ATG14: variants seen among roughly 807,000 people sequenced by gnomAD.
The protein encoded by ATG14 is beclin 1-associated autophagy-related key regulator.
Under a neutral mutation model 60.4 loss-of-function variants are expected in ATG14, and 35 were observed. The observed-to-expected ratio is 0.58, with a 90% CI of 0.44 to 0.77. ATG14 has a LOEUF of 0.77. Among genes scored for constraint, ATG14 ranks in the 30% least tolerant of loss-of-function variants. The pLI, the probability that ATG14 is intolerant of heterozygous loss-of-function variation, is 0.00. For synonymous variants in ATG14, 234 were observed against 228.8 expected, an observed-to-expected ratio of 1.02 and a Z score of -0.21; for missense variants, 647 against 626.3, an observed-to-expected ratio of 1.03 and a Z score of -0.35.
chr14:55,403,092 C>T (rs1885436755), intron 1 of ATG14, among the ~76,000 whole-genome samples: 1 of 149,732 alleles, frequency 6.7e-6, no homozygotes, highest in Admixed American at 6.7e-5. Flanking sequence ...ATACTTTGGC[C>T]TGGATGGCAG....
At position 55,382,079 on chromosome 14, in the gene ATG14, C is replaced by A. The variant is rs747592425; in HGVS notation, c.760G>T (p.Asp254Tyr). 12 of 1,614,102 alleles carry A rather than the reference C, an allele frequency of 7.4e-6. No homozygotes were observed. Among genetic ancestry groups the A allele is most frequent in the Non-Finnish European group, 1.0e-5 (12 of 1,180,020 alleles). The change falls in exon 6 of 10, where the codon GAT becomes TAT. Residue 254 changes from aspartate (D) to tyrosine (Y), a missense_variant. By Grantham distance (160) the Asp-to-Tyr change is radical. Transcript: ENST00000247178. ...CTAATGCTGGTGTCTCCGTTGTGATCGTCACAGACCCATCGTCCTGAGAGG... is the reference window on the plus strand; with the variant it reads ...CTAATGCTGGTGTCTCCGTTGTGATAGTCACAGACCCATCGTCCTGAGAGG... ...TYLSGRWVCD[D>Y]HNGDTSISIT...
intron 3 of ATG14, among the ~76,000 whole-genome samples, chr14:55,391,472 A>T (rs910019119): frequency 7.7e-5 from 8 of 103,478 alleles, no homozygotes; most frequent in South Asian, 2.9e-4. Context: ...GAGACTCCAT[A>T]AAAAAAAAAA....
chr14:55,370,963 T>C (rs986832491), intron 9 of ATG14, among the ~76,000 whole-genome samples: 1 of 151,956 alleles, frequency 6.6e-6, no homozygotes, highest in African/African-American at 2.4e-5. Context: ...CTTTTTCCCC[T>C]CCCTTTCAAA....
chr14:55,391,134 T>C, intron 3 of ATG14, 142 bp from the exon 4 acceptor site: 5 of 586,232 alleles, frequency 8.5e-6, no homozygotes, highest in South Asian at 2.2e-5. Flanking sequence ...TTTGTAACTA[T>C]GGAACATTAC....
intron 9 of ATG14, among the ~76,000 whole-genome samples, chr14:55,375,171 A>G (rs1324172969): frequency 1.3e-5 from 2 of 152,226 alleles, no homozygotes; most frequent in African/African-American, 4.8e-5. Context: ...AATAAAAATA[A>G]GCTTCATAAT....
intron 3 of ATG14, among the ~76,000 whole-genome samples, chr14:55,392,838 C>G (rs4901557): frequency 2.1e-3 from 316 of 152,226 alleles, no homozygotes; most frequent in South Asian, 5.2e-3. Flanking sequence ...GAGCGAAACT[C>G]TAACATCTCG....
intron 4 of ATG14, among the ~76,000 whole-genome samples, chr14:55,388,093 T>C (rs1373116108): frequency 1.3e-5 from 2 of 151,998 alleles, no homozygotes; most frequent in African/African-American, 2.4e-5. Flanking sequence ...GCCGAGATCG[T>C]GCCACTGCAC....
chr14:55,386,718 C>T lies in ATG14; in HGVS notation c.410-622G>A, dbSNP rs565100328. Among the ~76,000 whole-genome samples, 8 of 152,236 alleles carry T rather than the reference C, an allele frequency of 5.3e-5. No homozygotes were observed. In the South Asian group the frequency reaches 1.7e-3, roughly 32 times the overall value. Reference sequence around the variant, plus strand: ...AAACAAAAGCCTGGCCACACAACCACGAGGAGACATACACTCGTCCTGTCA... The same window carrying T: ...AAACAAAAGCCTGGCCACACAACCATGAGGAGACATACACTCGTCCTGTCA... On this transcript the variant is annotated intron_variant, in intron 4 of 9. Coordinates refer to ENST00000247178, the MANE Select transcript of ATG14 (RefSeq NM_014924.5).
chr14:55,366,904 A>C lies in ATG14; in HGVS notation c.*2715T>G, dbSNP rs556837951. ...AAAACAGTGGTTGAAATGTATACTT[A>C]AGAGTATTTACAGGGTGGATCCAGT... On this transcript the variant is annotated 3_prime_UTR_variant, in exon 10 of 10. Coordinates refer to ENST00000247178, the MANE Select transcript of ATG14 (RefSeq NM_014924.5). 6.5e-6 allele frequency: 1 copy of C among 152,784 alleles called. No individual in the cohort carries two copies. The highest frequency in any genetic ancestry group is 2.1e-4 in the South Asian group (1 of 4,832). 9.5% of individuals were successfully genotyped at this position (152,784 alleles called of 1,614,324 possible).
intron 9 of ATG14, among the ~76,000 whole-genome samples, chr14:55,376,329 C>A (rs1028343690): frequency 6.6e-6 from 1 of 152,188 alleles, no homozygotes; most frequent in Non-Finnish European, 1.5e-5. Context: ...GAGCCCTTTA[C>A]AGGTAAGGTA....
At position 55,369,006 on chromosome 14, in the gene ATG14, GA is replaced by G. The variant is rs1240486894; in HGVS notation, c.*612del. ...CTTTCATTTTCTTTGGTGTGTGGGGGAAAGAAAAACAGGAATGTCTGACAAA... is the reference window on the plus strand; with the variant it reads ...CTTTCATTTTCTTTGGTGTGTGGGGGAAGAAAAACAGGAATGTCTGACAAA... On this transcript the variant is annotated 3_prime_UTR_variant, in exon 10 of 10. Transcript: ENST00000247178. 2 of 152,410 alleles carry G rather than the reference GA, an allele frequency of 1.3e-5. No homozygotes were observed. Among genetic ancestry groups the G allele is most frequent in the Non-Finnish European group, 2.9e-5 (2 of 67,998 alleles). 9.4% of individuals were successfully genotyped at this position (152,410 alleles called of 1,614,324 possible).
chr14:55,384,090 C>G (rs1426312950), intron 5 of ATG14, among the ~76,000 whole-genome samples: 1 of 152,186 alleles, frequency 6.6e-6, no homozygotes, highest in Non-Finnish European at 1.5e-5. Context: ...CTGCGTCTCC[C>G]TTCTCCCACA....
intron 5 of ATG14, 63 bp from the exon 6 acceptor site, chr14:55,382,254 A>C (rs3783650): frequency 0.46 from 654,628 of 1,426,042 alleles, 157,643 homozygotes; most frequent in African/African-American, 0.88. Flanking sequence ...ATGCAATATA[A>C]CTGCAAGACA....
Position 55,380,599 on chromosome 14 carries a change from T to C in ATG14, c.969A>G (p.Val323=). The change falls in exon 7 of 10, where the codon GTA becomes GTG. Residue 323 remains valine, a synonymous_variant. Transcript: ENST00000247178. The part of the protein sequence containing the change: ...LVNILSHILD[V]NLPKKLCNSE... ...TGTTGCAGAGCTTTTTGGGAAGATTTACATCAAGTATATGAGACAGAATGT... is the reference window on the plus strand; with the variant it reads ...TGTTGCAGAGCTTTTTGGGAAGATTCACATCAAGTATATGAGACAGAATGT... 1 of 1,612,192 alleles carries C rather than the reference T, an allele frequency of 6.2e-7. No individual in the cohort carries two copies. Among genetic ancestry groups the C allele is most frequent in the East Asian group, 2.2e-5 (1 of 44,796 alleles).
intron 4 of ATG14, among the ~76,000 whole-genome samples, chr14:55,389,401 T>C (rs1885176973): frequency 6.6e-6 from 1 of 152,236 alleles, no homozygotes; most frequent in Non-Finnish European, 1.5e-5. Context: ...AGGTTCTATA[T>C]AGTTCTGGGC....
At chr14:55,394,986 C>A in intron 3 of ATG14, 1 of 443,674 alleles carries the variant, frequency 2.3e-6, no homozygotes, top group Non-Finnish European at 4.5e-6. Flanking sequence ...GGGCTCTCCT[C>A]AGTTTTAGTT....
chr14:55,408,834 C>T (rs1298816117), intron 1 of ATG14, among the ~76,000 whole-genome samples: 2 of 152,128 alleles, frequency 1.3e-5, no homozygotes, highest in Non-Finnish European at 2.9e-5. Flanking sequence ...TTCAAGGGAG[C>T]ATGAGTCAAA....
intron 1 of ATG14, among the ~76,000 whole-genome samples, chr14:55,401,925 G>A (rs986017938): frequency 6.6e-6 from 1 of 152,188 alleles, no homozygotes; most frequent in Non-Finnish European, 1.5e-5. Context: ...ATTTCAACAC[G>A]CCAAGTGGGA....
chr14:55,366,648 T>TAG lies in ATG14; in HGVS notation c.*2970_*2971insCT, dbSNP rs1884685860. The stretch of plus-strand genomic sequence containing the variant: ...ACAGATGTGCAAAACTTTTCTTATA[T>TAG]TCCATAACCAAAAAATGTCTTTAAC... On this transcript the variant is annotated 3_prime_UTR_variant, in exon 10 of 10. Coordinates refer to ENST00000247178, the MANE Select transcript of ATG14 (RefSeq NM_014924.5). 1 of 152,472 alleles carries TAG rather than the reference T, an allele frequency of 6.6e-6. No homozygotes were observed. Among genetic ancestry groups the TAG allele is most frequent in the Non-Finnish European group, 1.5e-5 (1 of 68,040 alleles). The allele number at this position is 152,472 out of a possible 1,614,324, so 9.4% of individuals were successfully genotyped here.
Sources: gnomAD v4.1 joint callset for allele counts (sites outside exome capture counted in the v4.1 genomes callset) on GRCh38, gnomAD v4.1.1 for gene constraint, MANE v1.5 for transcripts, NCBI Gene and HGNC (gene_info 2026-07-23, HGNC 2026-07-21) for gene names.